Variants in SEPTIN7 observed in about 807,000 individuals in gnomAD.
The protein encoded by SEPTIN7 is septin-7.
A neutral mutation model predicts 63.3 loss-of-function variants in SEPTIN7; 10 were observed. That is an observed-to-expected ratio of 0.16 (90% CI 0.10 to 0.27). The LOEUF is 0.27. SEPTIN7 is among the 10% of genes least tolerant of loss of function. SEPTIN7 has a pLI of 1.00. For missense variants in SEPTIN7, 310 were observed against 521.0 expected (o/e 0.59, Z 3.94); for synonymous variants, 131 against 165.3 (o/e 0.79, Z 1.59).
At chr7:35,877,532 G>A (rs895456171) in intron 6 of SEPTIN7, among the ~76,000 whole-genome samples, 2 of 152,146 alleles carry the variant, frequency 1.3e-5, no homozygotes, top group African/African-American at 4.8e-5. Context: ...TTAACAGAAT[G>A]AGACCTTTAT....
intron 3 of SEPTIN7, among the ~76,000 whole-genome samples, chr7:35,858,238 C>T (rs2116109775): frequency 6.6e-6 from 1 of 152,326 alleles, no homozygotes. Flanking sequence ...AGCCACCACG[C>T]CCAACCCCCA....
At chr7:35,880,223 C>CTTTTTTTTTTTTTTTTTTTTTATTT in intron 7 of SEPTIN7, among the ~76,000 whole-genome samples, 1 of 72,776 alleles carries the variant, frequency 1.4e-5, no homozygotes, top group African/African-American at 6.0e-5. Context: ...TTTTTCTTTT[C>CTTTTTTTTTTTTTTTTTTTTTATTT]TTTTTTTTTT....
rs113487253 is a variant in SEPTIN7 at position 35,805,177 on chromosome 7, C to T, written c.61+3907C>T. Among the ~76,000 whole-genome samples the T allele has an allele frequency of 1.6e-3, 244 of 152,274 alleles. 1 individual carries two copies. The highest frequency in any genetic ancestry group is 5.7e-3 in the African/African-American group (236 of 41,540). ...GATTATAGATGTGAGCCATCACGCC[C>T]GGCCAAGTGTTTGTGCTTCTAAGCA... On this transcript the variant is annotated intron_variant, in intron 1 of 13. Coordinates refer to ENST00000350320, the MANE Select transcript of SEPTIN7 (RefSeq NM_001788.6).
the SEPTIN7 span, among the ~76,000 whole-genome samples, chr7:35,913,920 G>C: frequency 3.9e-5 from 6 of 152,148 alleles, no homozygotes; most frequent in African/African-American, 1.4e-4. Context: ...CATTTTAAAA[G>C]AATTCAAGAA....
At chr7:35,833,154 GT>G (rs1783913664) in intron 3 of SEPTIN7, among the ~76,000 whole-genome samples, 1 of 151,988 alleles carries the variant, frequency 6.6e-6, no homozygotes, top group Admixed American at 6.6e-5. Flanking sequence ...CTCTAGAGAA[GT>G]TATCTTCAAT....
intron 4 of SEPTIN7, among the ~76,000 whole-genome samples, chr7:35,863,893 G>A (rs1785655738): frequency 1.3e-5 from 2 of 148,968 alleles, no homozygotes; most frequent in South Asian, 2.2e-4. Context: ...AGATGACACT[G>A]TGACATAGTA....
chr7:35,890,501 G>A (rs1787565338), intron 10 of SEPTIN7, 167 bp from the exon 11 acceptor site: 1 of 448,340 alleles, frequency 2.2e-6, no homozygotes, highest in Non-Finnish European at 3.5e-6. Flanking sequence ...TTTACTTTGA[G>A]TGTAAATGAA....
chr7:35,811,652 C>T (rs573979054), intron 1 of SEPTIN7, among the ~76,000 whole-genome samples: 2 of 152,164 alleles, frequency 1.3e-5, no homozygotes, highest in Admixed American at 1.3e-4. Context: ...TTTGGGAGGT[C>T]GAGGCGGGCT....
the SEPTIN7 span, among the ~76,000 whole-genome samples, chr7:35,913,610 T>C: frequency 2.0e-5 from 3 of 150,872 alleles, no homozygotes; most frequent in Non-Finnish European, 3.0e-5. Flanking sequence ...CTTCTTTCCT[T>C]CCTTTCTCTC....
At chr7:35,910,182 TCACA>T (rs1374434233), downstream of SEPTIN7, among the ~76,000 whole-genome samples, 2 of 152,094 alleles carry the variant, frequency 1.3e-5, no homozygotes, top group Non-Finnish European at 1.5e-5. Flanking sequence ...GCTCTGAGAG[TCACA>T]CACATGATTT....
chr7:35,801,225 A>G lies in SEPTIN7; in HGVS notation c.16A>G (p.Arg6Gly). ...GGGGGAGGGGATGTCGGTCAGTGCG[A>G]GATCCGCTGCTGCTGAGGAGAGGAG... MSVSA[R>G]SAAAEERSVN... is the part of the protein sequence containing the mutation. Residue 6 changes from arginine to glycine, a missense_variant, in exon 1 of 14, where the codon AGA becomes GGA. Transcript: ENST00000350320. 1 of 1,533,396 alleles carries G rather than the reference A, an allele frequency of 6.5e-7. No individual in the cohort carries two copies. Among genetic ancestry groups the G allele is most frequent in the South Asian group, 1.2e-5 (1 of 81,984 alleles). 95.0% of individuals were successfully genotyped at this position (1,533,396 alleles called of 1,614,324 possible).
At chr7:35,864,105 A>G (rs1012668997) in intron 4 of SEPTIN7, among the ~76,000 whole-genome samples, 5 of 151,860 alleles carry the variant, frequency 3.3e-5, no homozygotes, top group Admixed American at 6.6e-5. Flanking sequence ...ATTGCATTAG[A>G]TGGTGTAGAG....
chr7:35,813,972 A>G lies in SEPTIN7; in HGVS notation c.61+12702A>G, dbSNP rs552467972. ...CTATTGGTAGTATTGCTGCTAAGTC[A>G]TTAGTTTAGAACTTCAACAACTTCA... On this transcript the variant is annotated intron_variant, in intron 1 of 13. Coordinates refer to ENST00000350320, the MANE Select transcript of SEPTIN7 (RefSeq NM_001788.6). Among the ~76,000 whole-genome samples the G allele has an allele frequency of 2.4e-4, 36 of 152,286 alleles. 1 individual carries two copies. The South Asian group carries it at 7.3e-3, about 31-fold the overall frequency.
At chr7:35,804,789 A>T (rs897263253) in intron 1 of SEPTIN7, among the ~76,000 whole-genome samples, 11 of 150,358 alleles carry the variant, frequency 7.3e-5, no homozygotes, top group South Asian at 2.1e-4. Context: ...TATTGTACTG[A>T]CTACTGTAAA....
At chr7:35,861,003 TTTC>T (rs764433703) in intron 3 of SEPTIN7, among the ~76,000 whole-genome samples, 1 of 152,160 alleles carries the variant, frequency 6.6e-6, no homozygotes, top group Non-Finnish European at 1.5e-5. Flanking sequence ...TCTGTTTAAT[TTTC>T]TTCTTTCTTT....
intron 1 of SEPTIN7, among the ~76,000 whole-genome samples, chr7:35,803,521 T>C (rs551256143): frequency 2.2e-3 from 338 of 152,360 alleles, no homozygotes; most frequent in Non-Finnish European, 4.2e-3. Context: ...TTTCAGACTT[T>C]GTATAATTTG....
chr7:35,858,750 G>A lies in SEPTIN7; in HGVS notation c.170-4802G>A, dbSNP rs1238519626. On this transcript the variant is annotated intron_variant, in intron 3 of 13. Transcript: ENST00000350320. ...GGCTGGAGTGCCAATGCACGATCTC[G>A]GCTCACTGCAACCTCCGCCTCCTGG... Among the ~76,000 whole-genome samples the A allele has an allele frequency of 6.1e-5, 9 of 148,680 alleles. No homozygotes were observed. In the South Asian group the frequency reaches 1.3e-3, roughly 21 times the overall value.
At position 35,804,667 on chromosome 7, in the gene SEPTIN7, G is replaced by A. The variant is rs1412423244; in HGVS notation, c.61+3397G>A. On this transcript the variant is annotated intron_variant, in intron 1 of 13. Coordinates refer to ENST00000350320, the MANE Select transcript of SEPTIN7 (RefSeq NM_001788.6). Reference sequence around the variant, plus strand: ...TACAGTTAGGCGTTGTTAACAATACGGTACATTGAGAAATCATAGAGTATT... The same window carrying A: ...TACAGTTAGGCGTTGTTAACAATACAGTACATTGAGAAATCATAGAGTATT... Among the ~76,000 whole-genome samples the A allele has an allele frequency of 2.6e-5, 4 of 152,036 alleles. No individual in the cohort carries two copies. The East Asian group carries it at 7.7e-4, about 29-fold the overall frequency.
At chr7:35,885,337 C>T (rs1787160796) in intron 9 of SEPTIN7, among the ~76,000 whole-genome samples, 2 of 152,082 alleles carry the variant, frequency 1.3e-5, no homozygotes, top group Non-Finnish European at 2.9e-5. Context: ...AATTGATTTG[C>T]ATCTCTCTTT....
Sources: allele counts gnomAD v4.1 joint callset (sites outside exome capture counted in the v4.1 genomes callset), GRCh38; gene constraint gnomAD v4.1.1; transcripts MANE v1.5; gene names NCBI Gene and HGNC (gene_info 2026-07-23, HGNC 2026-07-21).